The following LRP1B variants were observed in gnomAD, a reference collection of about 807,000 sequenced individuals.
The protein encoded by LRP1B is low-density lipoprotein receptor-related protein 1B.
LRP1B carries 217 observed loss-of-function variants against 556.6 expected under a neutral mutation model. That is an observed-to-expected ratio of 0.39 (90% CI 0.35 to 0.44). The LOEUF (loss-of-function observed/expected upper bound fraction) is 0.44. LRP1B is among the 20% of genes least tolerant of loss of function. LRP1B has a pLI of 1.00. For missense variants in LRP1B, 5,053 were observed against 5,620.8 expected, an observed-to-expected ratio of 0.90 and a Z score of 3.23; for synonymous variants, 2,047 against 1,865.8, an observed-to-expected ratio of 1.10 and a Z score of -2.50.
chr2:141,410,628 A>G (rs1690817369), intron 3 of LRP1B, among the ~76,000 whole-genome samples: 1 of 152,076 alleles, frequency 6.6e-6, no homozygotes, highest in African/African-American at 2.4e-5. Flanking sequence ...TAACATAATC[A>G]TTATATGTAT....
intron 3 of LRP1B, among the ~76,000 whole-genome samples, chr2:141,278,856 C>G (rs1164996933): frequency 6.6e-6 from 1 of 152,148 alleles, no homozygotes; most frequent in Non-Finnish European, 1.5e-5. Context: ...CTTGCCCTTT[C>G]CTATTATCTG....
chr2:140,852,712 C>T (rs1692496574), intron 27 of LRP1B, among the ~76,000 whole-genome samples: 1 of 152,126 alleles, frequency 6.6e-6, no homozygotes, highest in Admixed American at 6.5e-5. Context: ...ACTCAATTCC[C>T]TTGTATAAAT....
chr2:141,101,010 A>G (rs1262467945), intron 7 of LRP1B, among the ~76,000 whole-genome samples: 1 of 152,116 alleles, frequency 6.6e-6, no homozygotes, highest in Admixed American at 6.6e-5. Flanking sequence ...GGGGTAGACA[A>G]AAGCCTTGGA....
chr2:141,475,452 A>T (rs1297579480), intron 3 of LRP1B, among the ~76,000 whole-genome samples: 1 of 152,140 alleles, frequency 6.6e-6, no homozygotes, highest in Admixed American at 6.5e-5. Flanking sequence ...GCTTATACCC[A>T]CTTTAAATGT....
intron 2 of LRP1B, among the ~76,000 whole-genome samples, chr2:141,738,774 A>C (rs1034024527): frequency 6.6e-6 from 1 of 152,138 alleles, no homozygotes. Context: ...AGCTGTAAAG[A>C]TGTCTAAAGA....
At chr2:141,180,266 T>A (rs1027074957) in intron 7 of LRP1B, among the ~76,000 whole-genome samples, 4 of 151,432 alleles carry the variant, frequency 2.6e-5, no homozygotes, top group African/African-American at 9.7e-5. Flanking sequence ...ACAACCTGAG[T>A]GATACAAGAA....
intron 1 of LRP1B, among the ~76,000 whole-genome samples, chr2:142,019,910 C>T (rs1703279065): frequency 2.0e-5 from 3 of 152,174 alleles, no homozygotes; most frequent in Admixed American, 2.0e-4. Flanking sequence ...TATTATTTGA[C>T]CACTGAATTT....
intron 1 of LRP1B, among the ~76,000 whole-genome samples, chr2:141,911,929 A>C (rs1016125492): frequency 1.1e-4 from 17 of 151,732 alleles, no homozygotes. Flanking sequence ...AATCTCATGA[A>C]CCCCCTACAA....
chr2:140,631,289 G>GA (rs1019479354), intron 41 of LRP1B, among the ~76,000 whole-genome samples: 18 of 151,986 alleles, frequency 1.2e-4, no homozygotes, highest in African/African-American at 3.1e-4. Context: ...AAAAGGCAAA[G>GA]AAAAAAACAG....
intron 3 of LRP1B, among the ~76,000 whole-genome samples, chr2:141,338,238 C>A (rs2683861): frequency 7.2e-5 from 11 of 152,014 alleles, no homozygotes; most frequent in Non-Finnish European, 1.5e-4. Context: ...TTCTGTGGGA[C>A]CCCATTACCA....
chr2:141,245,049 G>T lies in LRP1B; in HGVS notation c.592+2177C>A, dbSNP rs543630516. On this transcript the variant is annotated intron_variant, in intron 5 of 90. Coordinates refer to ENST00000389484, the MANE Select transcript of LRP1B (RefSeq NM_018557.3). ...ACCTACCTATGTAGAAAAAGAGGAC[G>T]TGCTTCCTTTATAGGGTCTATTAGA... 1.6e-3 allele frequency among the ~76,000 whole-genome samples: 248 copies of T among 152,238 alleles called. 2 individuals are homozygous for T. The highest frequency in any genetic ancestry group is 3.0e-3 in the Admixed American group (46 of 15,286).
At chr2:141,988,060 G>A (rs1702248595) in intron 1 of LRP1B, among the ~76,000 whole-genome samples, 1 of 151,866 alleles carries the variant, frequency 6.6e-6, no homozygotes, top group Non-Finnish European at 1.5e-5. Context: ...TCTAAAAAAT[G>A]CTTAAGGGTA....
intron 41 of LRP1B, among the ~76,000 whole-genome samples, chr2:140,676,844 A>G (rs1477640185): frequency 6.6e-6 from 1 of 152,232 alleles, no homozygotes; most frequent in Non-Finnish European, 1.5e-5. Flanking sequence ...CAAATTATGT[A>G]CAAATATTTA....
intron 43 of LRP1B, among the ~76,000 whole-genome samples, chr2:140,580,878 T>C (rs371127148): frequency 9.2e-5 from 14 of 152,304 alleles, no homozygotes; most frequent in African/African-American, 3.4e-4. Context: ...ATGTGTCAAT[T>C]TGTTTTCTTT....
At chr2:141,507,003 G>T (rs72851361) in intron 2 of LRP1B, among the ~76,000 whole-genome samples, 2 of 152,154 alleles carry the variant, frequency 1.3e-5, no homozygotes, top group Admixed American at 6.6e-5. Context: ...CTTATTAAAT[G>T]CTAGCTAACT....
intron 7 of LRP1B, among the ~76,000 whole-genome samples, chr2:141,122,374 G>C (rs923714066): frequency 9.7e-5 from 14 of 144,156 alleles, no homozygotes; most frequent in African/African-American, 3.4e-4. Flanking sequence ...CTAATATCCA[G>C]AATCTACAAA....
chr2:140,748,591 GTATATATA>G (rs70988428), intron 35 of LRP1B, among the ~76,000 whole-genome samples: 35,126 of 73,238 alleles, frequency 0.48, 9,046 homozygotes, highest in Non-Finnish European at 0.59. Context: ...TATACAGTGT[GTATATATA>G]TATATATATA....
chr2:141,002,567 C>T (rs949074262), intron 15 of LRP1B, among the ~76,000 whole-genome samples: 10 of 152,004 alleles, frequency 6.6e-5, no homozygotes, highest in African/African-American at 2.4e-4. Flanking sequence ...TTCTAGATGA[C>T]TTATAATACC....
intron 3 of LRP1B, among the ~76,000 whole-genome samples, chr2:141,271,159 A>G (rs1217158295): frequency 6.6e-6 from 1 of 151,918 alleles, no homozygotes; most frequent in Non-Finnish European, 1.5e-5. Flanking sequence ...AACTAACAGA[A>G]GGAAGAAATG....
Sources: allele counts gnomAD v4.1 joint callset (sites outside exome capture counted in the v4.1 genomes callset), GRCh38; gene constraint gnomAD v4.1.1; transcripts MANE v1.5; gene names NCBI Gene and HGNC (gene_info 2026-07-23, HGNC 2026-07-21).